LHFPL3: variants seen among roughly 807,000 people sequenced by gnomAD.
The protein encoded by LHFPL3 is LHFPL tetraspan subfamily member 3.
A neutral mutation model predicts 19.3 loss-of-function variants in LHFPL3; 5 were observed. That is an observed-to-expected ratio of 0.26 (90% CI 0.14 to 0.54). LHFPL3 has a LOEUF of 0.54. Ranked by LOEUF, LHFPL3 falls within the 20% of genes least tolerant of loss-of-function variation. LHFPL3 has a pLI of 0.94. For missense variants in LHFPL3, 249 were observed against 307.4 expected (o/e 0.81, Z 1.42); for synonymous variants, 133 against 126.2 (o/e 1.05, Z -0.36).
intron 2 of LHFPL3, among the ~76,000 whole-genome samples, chr7:104,817,716 C>T (rs1318448277): frequency 2.0e-5 from 3 of 152,160 alleles, no homozygotes; most frequent in Non-Finnish European, 4.4e-5. Context: ...CCTCCTCCCT[C>T]AGACAGTACT....
At chr7:104,508,857 A>T (rs1276640048) in intron 1 of LHFPL3, among the ~76,000 whole-genome samples, 1 of 152,026 alleles carries the variant, frequency 6.6e-6, no homozygotes, top group African/African-American at 2.4e-5. Flanking sequence ...AAAATTGACA[A>T]ACCTCTAGAA....
Position 104,830,820 on chromosome 7 carries a change from T to C in LHFPL3, c.683-75367T>C, listed in dbSNP as rs906145427. On this transcript the variant is annotated intron_variant, in intron 2 of 2. Coordinates refer to ENST00000424859, the MANE Select transcript of LHFPL3 (RefSeq NM_199000.3). Reference sequence around the variant, plus strand: ...AGGATTGACTTGGCGATGCAGGCTGTTTTTTGCCTTTTAAAAGGGATTGCT... The same window carrying C: ...AGGATTGACTTGGCGATGCAGGCTGCTTTTTGCCTTTTAAAAGGGATTGCT... Among the ~76,000 whole-genome samples, 8 of 151,864 alleles carry C rather than the reference T, an allele frequency of 5.3e-5. 1 individual carries two copies. The highest frequency in any genetic ancestry group is 1.9e-4 in the African/African-American group (8 of 41,160).
chr7:104,521,759 T>C (rs1305671739), intron 1 of LHFPL3, among the ~76,000 whole-genome samples: 1 of 152,144 alleles, frequency 6.6e-6, no homozygotes, highest in Non-Finnish European at 1.5e-5. Flanking sequence ...AAGAAGACAT[T>C]TATGTAGCCA....
chr7:104,767,943 A>C (rs1794484464), intron 2 of LHFPL3, among the ~76,000 whole-genome samples: 1 of 152,174 alleles, frequency 6.6e-6, no homozygotes, highest in African/African-American at 2.4e-5. Context: ...CTTTGCCTAA[A>C]AGCAAATATT....
At chr7:104,886,922 C>T (rs1464498444) in intron 2 of LHFPL3, among the ~76,000 whole-genome samples, 1 of 152,170 alleles carries the variant, frequency 6.6e-6, no homozygotes, top group East Asian at 1.9e-4. Context: ...TCCCGGGGTC[C>T]CCGGGGTCCC....
At chr7:104,577,561 A>G (rs1208671219) in intron 1 of LHFPL3, among the ~76,000 whole-genome samples, 1 of 152,046 alleles carries the variant, frequency 6.6e-6, no homozygotes, top group African/African-American at 2.4e-5. Context: ...TGCAAGTGTG[A>G]GTGTGTATTC....
chr7:104,361,892 G>A (rs192967463), intron 1 of LHFPL3, among the ~76,000 whole-genome samples: 110 of 152,310 alleles, frequency 7.2e-4, no homozygotes, highest in African/African-American at 2.6e-3. Flanking sequence ...CACAATGTAA[G>A]ATTTGATGCT....
chr7:104,717,070 A>G (rs1041379461), intron 1 of LHFPL3, among the ~76,000 whole-genome samples: 1 of 152,126 alleles, frequency 6.6e-6, no homozygotes, highest in African/African-American at 2.4e-5. Flanking sequence ...TACACAGTGG[A>G]AAAAAATGAT....
chr7:104,564,393 A>G (rs1024084218), intron 1 of LHFPL3, among the ~76,000 whole-genome samples: 5 of 152,260 alleles, frequency 3.3e-5, no homozygotes, highest in African/African-American at 9.6e-5. Context: ...AGCCAGCAGT[A>G]GGAACTGATG....
chr7:104,568,965 T>A (rs77115731), intron 1 of LHFPL3, among the ~76,000 whole-genome samples: 2,876 of 150,326 alleles, frequency 0.019, 92 homozygotes, highest in African/African-American at 0.066. Flanking sequence ...GCTAACATAA[T>A]TATGTTTGAA....
intron 2 of LHFPL3, among the ~76,000 whole-genome samples, chr7:104,776,876 T>A (rs1794644938): frequency 6.6e-6 from 1 of 152,206 alleles, no homozygotes; most frequent in African/African-American, 2.4e-5. Flanking sequence ...GGAGCAAACA[T>A]ACCTACTTGT....
rs113637848 is a variant in LHFPL3 at position 104,763,794 on chromosome 7, T to C, written c.682+26883T>C. Among the ~76,000 whole-genome samples the C allele has an allele frequency of 7.4e-4, 112 of 152,334 alleles. 2 individuals carry two copies. Among genetic ancestry groups the C allele is most frequent in the African/African-American group, 2.6e-3 (110 of 41,586 alleles). ...TAGGGTTGTTTGGTTGTTTGGGAAGTTACCCTGAAAGCTTGGCCTAGAGCC... is the reference window on the plus strand; with the variant it reads ...TAGGGTTGTTTGGTTGTTTGGGAAGCTACCCTGAAAGCTTGGCCTAGAGCC... On this transcript the variant is annotated intron_variant, in intron 2 of 2. Transcript: ENST00000424859.
intron 1 of LHFPL3, among the ~76,000 whole-genome samples, chr7:104,571,560 G>T (rs1036972739): frequency 6.6e-6 from 1 of 152,142 alleles, no homozygotes; most frequent in Non-Finnish European, 1.5e-5. Flanking sequence ...ATACTGAAAA[G>T]CAGCTCACTC....
intron 1 of LHFPL3, among the ~76,000 whole-genome samples, chr7:104,524,636 A>G (rs1345509475): frequency 6.6e-6 from 1 of 152,192 alleles, no homozygotes; most frequent in East Asian, 1.9e-4. Flanking sequence ...GTATTGTTCG[A>G]GTCTTATAAA....
intron 1 of LHFPL3, among the ~76,000 whole-genome samples, chr7:104,348,404 A>G (rs1470791184): frequency 6.6e-6 from 1 of 152,238 alleles, no homozygotes; most frequent in African/African-American, 2.4e-5. Context: ...CACAGATTCA[A>G]TTTTGATTTC....
chr7:104,836,186 G>A (rs999720837), intron 2 of LHFPL3, among the ~76,000 whole-genome samples: 7 of 152,178 alleles, frequency 4.6e-5, no homozygotes, highest in African/African-American at 1.7e-4. Flanking sequence ...AGGAGAATCA[G>A]GAAGGAGCCC....
At chr7:104,475,581 G>A (rs970189666) in intron 1 of LHFPL3, among the ~76,000 whole-genome samples, 14 of 152,094 alleles carry the variant, frequency 9.2e-5, no homozygotes, top group African/African-American at 3.1e-4. Context: ...GGTTGAGATG[G>A]TCGATTTTTT....
chr7:104,535,789 A>G (rs983478179), intron 1 of LHFPL3, among the ~76,000 whole-genome samples: 3 of 152,242 alleles, frequency 2.0e-5, no homozygotes, highest in African/African-American at 7.2e-5. Context: ...GAGAGAAAAG[A>G]GTAGGGGACA....
At chr7:104,554,212 T>G (rs950215827) in intron 1 of LHFPL3, among the ~76,000 whole-genome samples, 1 of 152,204 alleles carries the variant, frequency 6.6e-6, no homozygotes, top group African/African-American at 2.4e-5. Flanking sequence ...TGGATTTGTT[T>G]GTTGGCATCC....
Sources: gnomAD v4.1 joint callset for allele counts (sites outside exome capture counted in the v4.1 genomes callset) on GRCh38, gnomAD v4.1.1 for gene constraint, MANE v1.5 for transcripts, NCBI Gene and HGNC (gene_info 2026-07-23, HGNC 2026-07-21) for gene names.